FRMD4A: variants seen among roughly 807,000 people sequenced by gnomAD.
The protein encoded by FRMD4A is FERM domain-containing protein 4A.
FRMD4A carries 29 observed loss-of-function variants against 129.1 expected under a neutral mutation model. That is an observed-to-expected ratio of 0.22 (90% CI 0.17 to 0.31). FRMD4A has a LOEUF of 0.31. Among genes scored for constraint, FRMD4A ranks in the 10% least tolerant of loss-of-function variants. The pLI, the probability that FRMD4A is intolerant of heterozygous loss-of-function variation, is 1.00. For synonymous variants in FRMD4A, 634 were observed against 571.6 expected, an observed-to-expected ratio of 1.11 and a Z score of -1.56; for missense variants, 1,272 against 1,375.8, an observed-to-expected ratio of 0.92 and a Z score of 1.19.
chr10:13,773,572 ATT>A (rs1456579332), intron 6 of FRMD4A, among the ~76,000 whole-genome samples: 3 of 152,310 alleles, frequency 2.0e-5, no homozygotes, highest in African/African-American at 7.2e-5. Context: ...TGATTTCTTG[ATT>A]TCTCTTATAG....
intron 2 of FRMD4A, among the ~76,000 whole-genome samples, chr10:13,941,498 G>A (rs1447016531): frequency 6.6e-6 from 1 of 152,188 alleles, no homozygotes; most frequent in Non-Finnish European, 1.5e-5. Context: ...GTCAAAAAAT[G>A]GCAGCCCAAG....
At chr10:14,304,851 T>C (rs1846294216) in intron 2 of FRMD4A, among the ~76,000 whole-genome samples, 2 of 152,228 alleles carry the variant, frequency 1.3e-5, no homozygotes, top group Admixed American at 1.3e-4. Flanking sequence ...GGTGGATAAA[T>C]ATCCCGGCTG....
chr10:14,099,806 T>A (rs1464817320), intron 2 of FRMD4A, among the ~76,000 whole-genome samples: 1 of 152,226 alleles, frequency 6.6e-6, no homozygotes, highest in Non-Finnish European at 1.5e-5. Flanking sequence ...ACTTTTTTAC[T>A]TTTGGAGACA....
At chr10:13,695,068 A>C (rs2086085114) in intron 14 of FRMD4A, among the ~76,000 whole-genome samples, 1 of 152,204 alleles carries the variant, frequency 6.6e-6, no homozygotes, top group Admixed American at 6.5e-5. Flanking sequence ...TTTGGTTAAA[A>C]GTCACAGCAG....
In FRMD4A at chr10:13,692,728, T is replaced by C. The variant is rs534942371; in HGVS notation, c.1117+1170A>G. On this transcript the variant is annotated intron_variant, in intron 15 of 24. Coordinates refer to ENST00000357447, the MANE Select transcript of FRMD4A (RefSeq NM_018027.5). ...ATTTTTAGCTCCTCTTCCTCTCCTG[T>C]CTTTTCCTTTTTGTTATTGTTTACA... 7 of 152,362 alleles carry C rather than the reference T, an allele frequency of 4.6e-5. 2 individuals carry two copies. The highest frequency in any genetic ancestry group is 1.7e-4 in the African/African-American group (7 of 41,566). The allele number at this position is 152,362 out of a possible 1,614,324, so 9.4% of individuals were successfully genotyped here. A position where few individuals can be genotyped will look rare whatever the true frequency, so the allele number is the denominator to read the frequency against.
At chr10:14,281,726 A>G (rs1845525587) in intron 2 of FRMD4A, among the ~76,000 whole-genome samples, 1 of 152,214 alleles carries the variant, frequency 6.6e-6, no homozygotes, top group Non-Finnish European at 1.5e-5. Flanking sequence ...CCCATTAAAC[A>G]TTACCTCCCC....
At chr10:14,074,705 C>A (rs1247447146) in intron 2 of FRMD4A, 2 of 152,204 alleles carry the variant, frequency 1.3e-5, no homozygotes, top group African/African-American at 4.8e-5. Context: ...TCCACAGATT[C>A]TGGAAGGTGT....
At chr10:14,151,722 G>GCCTT (rs1840347857) in intron 2 of FRMD4A, among the ~76,000 whole-genome samples, 2 of 152,050 alleles carry the variant, frequency 1.3e-5, no homozygotes, top group Non-Finnish European at 2.9e-5. Context: ...AGCCCTTTCT[G>GCCTT]CCTTCCTCCC....
At chr10:13,957,345 C>T (rs2095415858) in intron 2 of FRMD4A, among the ~76,000 whole-genome samples, 1 of 152,152 alleles carries the variant, frequency 6.6e-6, no homozygotes, top group African/African-American at 2.4e-5. Context: ...TCTCTGCCTC[C>T]CGGGTTCAAA....
At chr10:14,254,956 C>T (rs1844559014) in intron 2 of FRMD4A, among the ~76,000 whole-genome samples, 1 of 152,082 alleles carries the variant, frequency 6.6e-6, no homozygotes, top group African/African-American at 2.4e-5. Flanking sequence ...AAAGTCTTAA[C>T]TTAATTTGCC....
intron 2 of FRMD4A, among the ~76,000 whole-genome samples, chr10:14,278,720 C>A (rs998299193): frequency 6.6e-6 from 1 of 152,138 alleles, no homozygotes; most frequent in African/African-American, 2.4e-5. Context: ...CAGCTGACCA[C>A]GAGAAAGAGG....
intron 2 of FRMD4A, among the ~76,000 whole-genome samples, chr10:13,926,614 C>G (rs376293079): frequency 3.9e-5 from 6 of 152,322 alleles, no homozygotes; most frequent in Middle Eastern, 3.4e-3. Flanking sequence ...GGTCCACCAG[C>G]TGCTGTTGAA....
At chr10:13,981,461 C>T (rs2095560448) in intron 2 of FRMD4A, among the ~76,000 whole-genome samples, 1 of 152,078 alleles carries the variant, frequency 6.6e-6, no homozygotes, top group South Asian at 2.1e-4. Flanking sequence ...TTAAGGGAGG[C>T]CAGGCACGGT....
At chr10:13,809,842 G>A (rs1302698506) in intron 4 of FRMD4A, among the ~76,000 whole-genome samples, 1 of 152,218 alleles carries the variant, frequency 6.6e-6, no homozygotes, top group Non-Finnish European at 1.5e-5. Context: ...TGGATAATAA[G>A]TCATAAGACC....
At chr10:13,737,746 C>A in intron 12 of FRMD4A, 98 bp downstream of exon 12, 2 of 701,670 alleles carry the variant, frequency 2.9e-6, no homozygotes, top group South Asian at 3.4e-5. Flanking sequence ...ATTGGTGAGC[C>A]TTTAGGCTGC....
chr10:14,168,105 C>A (rs577858554), intron 2 of FRMD4A, among the ~76,000 whole-genome samples: 13 of 152,036 alleles, frequency 8.6e-5, no homozygotes, highest in African/African-American at 2.9e-4. Context: ...AGAAGAGAGA[C>A]GAGGCAGAAT....
intron 2 of FRMD4A, among the ~76,000 whole-genome samples, chr10:14,180,419 C>G (rs1267512311): frequency 6.6e-6 from 1 of 152,148 alleles, no homozygotes; most frequent in African/African-American, 2.4e-5. Flanking sequence ...AAAGGCGGTA[C>G]AAGCAGAATT....
In FRMD4A at chr10:13,752,439, T is replaced by TA. The variant is rs1246747625; in HGVS notation, c.465-4621dup. ...AATCCACAATGTGTTTGCTTTTCTT[T>TA]AAAAAACCTGGAAATAACTTTTTCA... is the stretch of plus-strand genomic sequence containing the variant. On this transcript the variant is annotated intron_variant, in intron 8 of 24. Transcript: ENST00000357447. Among the ~76,000 whole-genome samples, 10 of 152,306 alleles carry TA rather than the reference T, an allele frequency of 6.6e-5. No individual in the cohort carries two copies. The East Asian group carries it at 1.7e-3, about 26-fold the overall frequency.
chr10:13,874,103 G>A (rs2094466064), intron 2 of FRMD4A, among the ~76,000 whole-genome samples: 1 of 151,370 alleles, frequency 6.6e-6, no homozygotes, highest in African/African-American at 2.4e-5. Flanking sequence ...AAAATTAGCT[G>A]GGCTTGTTGG....
Sources: gnomAD v4.1 joint callset for allele counts (sites outside exome capture counted in the v4.1 genomes callset) on GRCh38, gnomAD v4.1.1 for gene constraint, MANE v1.5 for transcripts, NCBI Gene and HGNC (gene_info 2026-07-23, HGNC 2026-07-21) for gene names.